Variants in CSMD3 observed in about 807,000 individuals in gnomAD.
CSMD3 encodes CUB and Sushi multiple domains 3, also known as CUB and sushi domain-containing protein 3.
In CSMD3, 177 loss-of-function variants were observed where a neutral mutation model predicts 435.2. The ratio of observed to expected loss-of-function variants is 0.41; its 90% confidence interval spans 0.36 to 0.46. The LOEUF (loss-of-function observed/expected upper bound fraction) is 0.46. Ranked by LOEUF, CSMD3 falls within the 20% of genes least tolerant of loss-of-function variation. CSMD3 has a pLI of 0.34. For synonymous variants in CSMD3, 1,656 were observed against 1,520.5 expected (o/e 1.09, Z -2.07); for missense variants, 4,265 against 4,504.6 (o/e 0.95, Z 1.52).
At chr8:112,338,908 T>G (rs1247162799) in intron 42 of CSMD3, among the ~76,000 whole-genome samples, 1 of 152,088 alleles carries the variant, frequency 6.6e-6, no homozygotes, top group African/African-American at 2.4e-5. Flanking sequence ...AGTTTTTTAG[T>G]TTAATAAGTA....
intron 56 of CSMD3, among the ~76,000 whole-genome samples, chr8:112,290,975 A>G (rs531630517): frequency 6.6e-6 from 1 of 152,154 alleles, no homozygotes; most frequent in Non-Finnish European, 1.5e-5. Context: ...TACAACTCCT[A>G]TCATAACATA....
At chr8:113,066,099 CTT>C in intron 5 of CSMD3, among the ~76,000 whole-genome samples, 1 of 137,784 alleles carries the variant, frequency 7.3e-6, no homozygotes, top group Middle Eastern at 4.2e-3. Context: ...TATTCTTGCT[CTT>C]GTCTCAAGGT....
At chr8:112,571,956 T>A (rs554159187) in intron 24 of CSMD3, among the ~76,000 whole-genome samples, 2 of 151,586 alleles carry the variant, frequency 1.3e-5, no homozygotes, top group South Asian at 4.2e-4. Flanking sequence ...ACGTAAACAT[T>A]GTGTCATGCA....
At chr8:112,478,982 T>C (rs1016431547) in intron 31 of CSMD3, among the ~76,000 whole-genome samples, 3 of 152,154 alleles carry the variant, frequency 2.0e-5, no homozygotes, top group African/African-American at 7.2e-5. Context: ...TACCACCTCC[T>C]GCATCCCCTC....
chr8:112,398,155 A>G (rs1417847939), intron 35 of CSMD3, among the ~76,000 whole-genome samples: 1 of 152,202 alleles, frequency 6.6e-6, no homozygotes, highest in Non-Finnish European at 1.5e-5. Flanking sequence ...TTAAAATTCA[A>G]GAAGAATCTC....
intron 5 of CSMD3, among the ~76,000 whole-genome samples, chr8:113,066,362 G>A (rs75750813): frequency 6.6e-6 from 1 of 151,876 alleles, no homozygotes; most frequent in Non-Finnish European, 1.5e-5. Flanking sequence ...AGAGGAGAGG[G>A]TGAGGTATGG....
In CSMD3 at chr8:112,497,657, C is replaced by T. The variant is rs535809499; in HGVS notation, c.5084-4974G>A. On this transcript the variant is annotated intron_variant, in intron 30 of 70. Transcript: ENST00000297405. ...GAAAAATATTTTTACTATCTAGGGC[C>T]TCAATTTATATGTCCATTCATTTGG... Among the ~76,000 whole-genome samples, 234 of 151,722 alleles carry T rather than the reference C, an allele frequency of 1.5e-3. 1 individual carries two copies. Among genetic ancestry groups the T allele is most frequent in the African/African-American group, 4.2e-3 (174 of 41,408 alleles).
At chr8:112,696,035 C>T (rs2076246723) in intron 13 of CSMD3, among the ~76,000 whole-genome samples, 1 of 152,110 alleles carries the variant, frequency 6.6e-6, no homozygotes, top group Non-Finnish European at 1.5e-5. Context: ...TGTGAAGGAC[C>T]TCTTCAAGGA....
intron 1 of CSMD3, among the ~76,000 whole-genome samples, chr8:113,423,959 T>C (rs1446460510): frequency 6.6e-6 from 1 of 151,860 alleles, no homozygotes; most frequent in African/African-American, 2.4e-5. Flanking sequence ...TTTTGAGATT[T>C]AGTAATAGGA....
At chr8:112,236,028 T>A (rs1324195493) in intron 67 of CSMD3, among the ~76,000 whole-genome samples, 1 of 151,970 alleles carries the variant, frequency 6.6e-6, no homozygotes, top group Non-Finnish European at 1.5e-5. Context: ...CATTTAAAGT[T>A]TCTTTCGATT....
At chr8:112,241,910 CATAG>C (rs1814206741) in intron 65 of CSMD3, 125 bp from the exon 66 acceptor site, 6 of 761,092 alleles carry the variant, frequency 7.9e-6, no homozygotes, top group Admixed American at 1.8e-5. Context: ...TGACATTTCA[CATAG>C]ATAGTTTTCT....
intron 4 of CSMD3, among the ~76,000 whole-genome samples, chr8:113,151,702 A>T (rs2091809781): frequency 6.6e-6 from 1 of 151,996 alleles, no homozygotes; most frequent in Admixed American, 6.6e-5. Context: ...GAATCAAACA[A>T]TGTTCTTCTA....
At chr8:113,403,688 A>T (rs1044987371) in intron 1 of CSMD3, among the ~76,000 whole-genome samples, 1 of 151,458 alleles carries the variant, frequency 6.6e-6, no homozygotes, top group African/African-American at 2.4e-5. Context: ...AAATCCATCC[A>T]TAGCAAATGT....
At chr8:112,302,030 T>C (rs938607264) in intron 52 of CSMD3, 64 bp from the exon 53 acceptor site, 5 of 1,145,312 alleles carry the variant, frequency 4.4e-6, no homozygotes, top group Non-Finnish European at 5.1e-6. Context: ...GTAACAAAAC[T>C]GTGCTTTGAA....
chr8:113,126,083 AGAG>A (rs1485547012), intron 4 of CSMD3, among the ~76,000 whole-genome samples: 1 of 152,012 alleles, frequency 6.6e-6, no homozygotes, highest in Non-Finnish European at 1.5e-5. Context: ...AACGCACTTG[AGAG>A]GAGAAGGCAT....
At chr8:112,419,609 C>A (rs1029037732) in intron 32 of CSMD3, among the ~76,000 whole-genome samples, 2 of 152,096 alleles carry the variant, frequency 1.3e-5, no homozygotes, top group African/African-American at 4.8e-5. Flanking sequence ...CTGACTAAAT[C>A]CATAATATCT....
chr8:113,346,622 C>A (rs1419382842), intron 1 of CSMD3, among the ~76,000 whole-genome samples: 2 of 152,048 alleles, frequency 1.3e-5, no homozygotes, highest in Non-Finnish European at 2.9e-5. Flanking sequence ...GACTTTTGAT[C>A]TCTGTATCTT....
intron 4 of CSMD3, among the ~76,000 whole-genome samples, chr8:113,117,215 G>T (rs1443417438): frequency 6.6e-6 from 1 of 152,182 alleles, no homozygotes; most frequent in African/African-American, 2.4e-5. Flanking sequence ...TTGTGGGCTG[G>T]GCCCCGGGCC....
intron 4 of CSMD3, among the ~76,000 whole-genome samples, chr8:113,147,254 T>C (rs1014158959): frequency 6.6e-6 from 1 of 151,650 alleles, no homozygotes; most frequent in East Asian, 1.9e-4. Context: ...TTTTATTGAG[T>C]TCTGTAAGAG....
Sources: gnomAD v4.1 joint callset for allele counts (sites outside exome capture counted in the v4.1 genomes callset) on GRCh38, gnomAD v4.1.1 for gene constraint, MANE v1.5 for transcripts, NCBI Gene and HGNC (gene_info 2026-07-23, HGNC 2026-07-21) for gene names.